CCDC136: variants seen among roughly 807,000 people sequenced by gnomAD.
CCDC136 encodes the protein coiled-coil domain containing 136.
In CCDC136, 100 loss-of-function variants were observed where a neutral mutation model predicts 141.2. The ratio of observed to expected loss-of-function variants is 0.71; its 90% CI spans 0.60 to 0.84. The LOEUF (loss-of-function observed/expected upper bound fraction) is 0.84. Ranked by LOEUF, CCDC136 falls within the 40% of genes least tolerant of loss-of-function variation. The pLI is 0.00. For missense variants in CCDC136, 1,206 were observed against 1,379.4 expected (o/e 0.87, Z 1.99); for synonymous variants, 474 against 531.9 (o/e 0.89, Z 1.50).
chr7:128,809,688 T>A, intron 11 of CCDC136, 44 bp downstream of exon 11: 7 of 1,346,384 alleles, frequency 5.2e-6, no homozygotes, highest in Non-Finnish European at 7.0e-6. Context: ...GAAGCTGCTC[T>A]GAGAAGCTTC....
chr7:128,802,137 C>T (rs542668909), intron 4 of CCDC136, among the ~76,000 whole-genome samples: 46 of 152,140 alleles, frequency 3.0e-4, no homozygotes, highest in South Asian at 1.2e-3. Context: ...GGCAACAAAT[C>T]GGAACAAAAG....
At position 128,810,128 on chromosome 7, in the gene CCDC136, C is replaced by T. The variant is rs1805483490; in HGVS notation, c.1801-11C>T. The T allele has an allele frequency of 5.2e-6, 8 of 1,548,010 alleles. No homozygotes were observed. The East Asian group carries it at 1.4e-4, about 28-fold the overall frequency. On this transcript the variant is annotated splice_polypyrimidine_tract_variant and intron_variant, in intron 11 of 17. Coordinates refer to ENST00000297788, the MANE Select transcript of CCDC136 (RefSeq NM_022742.5). ...ACCATCCCTTGCCTCCTTCCTTCTA[C>T]TCCGCCTCAGAGTCAGGAGCTACTC... is the stretch of plus-strand genomic sequence containing the variant.
In CCDC136 at chr7:128,811,894, G is replaced by C. The variant is rs1385572524; in HGVS notation, c.2123G>C (p.Arg708Thr). 1 of 1,613,630 alleles carries C rather than the reference G, an allele frequency of 6.2e-7. No individual in the cohort carries two copies. The highest frequency in any genetic ancestry group is 1.7e-5 in the Admixed American group (1 of 59,996). The change falls in exon 13 of 18, where the codon AGG becomes ACG. Residue 708 changes from arginine (R) to threonine (T), a missense_variant. Coordinates refer to ENST00000297788, the MANE Select transcript of CCDC136 (RefSeq NM_022742.5). ...KQELLQQEQG[R>T]LLEERKRLQA... ...GAGCTCTTGCAGCAAGAGCAAGGGA[G>C]GCTCCTAGAGGAGCGGAAGAGGCTG...
chr7:128,813,928 G>A (rs1806166589), intron 14 of CCDC136, among the ~76,000 whole-genome samples: 2 of 152,024 alleles, frequency 1.3e-5, no homozygotes, highest in African/African-American at 4.8e-5. Flanking sequence ...GTTGCGGTGA[G>A]CCAAGATCAT....
chr7:128,819,610 A>G (rs1807163833), intron 17 of CCDC136, among the ~76,000 whole-genome samples: 1 of 152,204 alleles, frequency 6.6e-6, no homozygotes, highest in Non-Finnish European at 1.5e-5. Flanking sequence ...TCACTTACGT[A>G]TATTAACTGA....
intron 1 of CCDC136, among the ~76,000 whole-genome samples, chr7:128,793,376 T>C (rs1307296300): frequency 1.3e-5 from 2 of 152,114 alleles, no homozygotes; most frequent in Admixed American, 1.3e-4. Flanking sequence ...CTCATATGGC[T>C]CAGCTAGGGG....
In CCDC136 at chr7:128,809,547, T is replaced by C. The variant is rs778492909; in HGVS notation, c.1703T>C (p.Leu568Pro). Residue 568 changes from leucine to proline, a missense_variant, in exon 11 of 18, where the codon CTG becomes CCG. Leu to Pro is a moderately conservative substitution (Grantham distance 98, BLOSUM62 -3). Coordinates refer to ENST00000297788, the MANE Select transcript of CCDC136 (RefSeq NM_022742.5). ...GQLQMEQCEL[L>P]EDQRRMQEEQ... ...CTGCAGATGGAGCAGTGTGAGCTCC[T>C]GGAGGATCAGAGGAGGATGCAGGAG... is the stretch of plus-strand genomic sequence containing the variant. The C allele has an allele frequency of 6.4e-7, 1 of 1,561,590 alleles. No individual in the cohort carries two copies. The highest frequency in any genetic ancestry group is 8.7e-7 in the Non-Finnish European group (1 of 1,153,356).
Position 128,807,535 on chromosome 7 carries a change from G to T in CCDC136, c.1595G>T (p.Cys532Phe), listed in dbSNP as rs1186675452. ...SHPIPEDKGK[C>F]ANKCDTLLSR... ...CCCATTCCGGAGGACAAAGGAAAGT[G>T]TGCTAATAAGGTAATTGTCGTTCAG... Residue 532 changes from cysteine (C) to phenylalanine (F), a missense_variant, in exon 10 of 18, where the codon TGT becomes TTT. Coordinates refer to ENST00000297788, the MANE Select transcript of CCDC136 (RefSeq NM_022742.5). The T allele has an allele frequency of 5.5e-6, 8 of 1,451,940 alleles. No individual in the cohort carries two copies. In the African/African-American group the frequency reaches 1.0e-4, roughly 18 times the overall value. The allele number at this position is 1,451,940 out of a possible 1,614,324, so 89.9% of individuals were successfully genotyped here. A position where few individuals can be genotyped will look rare whatever the true frequency, so the allele number is the denominator to read the frequency against.
rs1802279738 is a variant in CCDC136 at position 128,792,230 on chromosome 7, G to A, written c.-182G>A. On this transcript the variant is annotated 5_prime_UTR_variant, in exon 1 of 18. Coordinates refer to ENST00000297788, the MANE Select transcript of CCDC136 (RefSeq NM_022742.5). Reference sequence around the variant, plus strand: ...GGATTACAGATCCCAGAGCCTCGAGGAGCTGGAAGACATGTCCCCTTCTTT... The same window carrying A: ...GGATTACAGATCCCAGAGCCTCGAGAAGCTGGAAGACATGTCCCCTTCTTT... The A allele has an allele frequency of 6.6e-7, 1 of 1,513,516 alleles. No individual in the cohort carries two copies. 93.8% of individuals were successfully genotyped at this position (1,513,516 alleles called of 1,614,324 possible). A position where few individuals can be genotyped will look rare whatever the true frequency, so the allele number is the denominator to read the frequency against.
intron 16 of CCDC136, 33 bp downstream of exon 16, chr7:128,815,964 A>T (rs1378167005): frequency 6.3e-7 from 1 of 1,581,626 alleles, no homozygotes; most frequent in South Asian, 1.2e-5. Context: ...TCAAGTGGGA[A>T]GTGGGGTCTT....
In CCDC136 at chr7:128,792,289, C is replaced by G. The variant is rs1391908563; in HGVS notation, c.-123C>G. ...CCCCAGCCCGCAGCCAGCCCCCCACCCCCCAGCCCCTCCTTTCTCCCTGCT... is the reference window on the plus strand; with the variant it reads ...CCCCAGCCCGCAGCCAGCCCCCCACGCCCCAGCCCCTCCTTTCTCCCTGCT... On this transcript the variant is annotated 5_prime_UTR_variant, in exon 1 of 18. Coordinates refer to ENST00000297788, the MANE Select transcript of CCDC136 (RefSeq NM_022742.5). The G allele has an allele frequency of 6.4e-7, 1 of 1,560,258 alleles. No homozygotes were observed. Among genetic ancestry groups the G allele is most frequent in the Admixed American group, 1.9e-5 (1 of 54,022 alleles).
In CCDC136 at chr7:128,821,822, T is replaced by G. The variant is rs1269350158; in HGVS notation, c.*29T>G. ...AGAACATGTTTGGGTTGTGGAAGCC[T>G]ATGGTATTCTTGGCTATTGCAGCTG... On this transcript the variant is annotated 3_prime_UTR_variant, in exon 18 of 18. Coordinates refer to ENST00000297788, the MANE Select transcript of CCDC136 (RefSeq NM_022742.5). The surrounding 1 kb of genome is among the most constrained non-coding windows in gnomAD (Gnocchi z 5.1). The G allele has an allele frequency of 7.7e-7, 1 of 1,290,338 alleles. No homozygotes were observed. Among genetic ancestry groups the G allele is most frequent in the African/African-American group, 1.5e-5 (1 of 65,856 alleles). 79.9% of individuals were successfully genotyped at this position (1,290,338 alleles called of 1,614,324 possible).
At position 128,812,056 on chromosome 7, in the gene CCDC136, A is replaced by G. The variant is rs1387002136; in HGVS notation, c.2285A>G (p.Tyr762Cys). ...VPSNENCRKTYDTTVDDNESY... is the reference protein window; with the variant it reads ...VPSNENCRKTCDTTVDDNESY... The stretch of plus-strand genomic sequence containing the variant: ...AGCAATGAGAACTGTCGCAAGACTT[A>G]TGATACCACTGTGGATGACAATGAG... Residue 762 changes from tyrosine to cysteine, a missense_variant, in exon 13 of 18, where the codon TAT becomes TGT. Physicochemically the swap from Tyr to Cys is radical, Grantham distance 194 (BLOSUM62 -2). Coordinates refer to ENST00000297788, the MANE Select transcript of CCDC136 (RefSeq NM_022742.5). 6 of 1,613,934 alleles carry G rather than the reference A, an allele frequency of 3.7e-6. No homozygotes were observed. The highest frequency in any genetic ancestry group is 1.7e-5 in the Admixed American group (1 of 60,010).
intron 4 of CCDC136, among the ~76,000 whole-genome samples, chr7:128,803,487 C>T (rs1322495362): frequency 6.6e-6 from 1 of 151,872 alleles, no homozygotes; most frequent in South Asian, 2.1e-4. Flanking sequence ...CCCATCTTTA[C>T]AAAAAAATTC....
At chr7:128,790,805 C>T (rs561869013), upstream of CCDC136, 2 of 152,312 alleles carry the variant, frequency 1.3e-5, no homozygotes, top group Non-Finnish European at 2.9e-5. This position sits in a 1 kb window ranked among gnomAD's most constrained non-coding sequence, Gnocchi z 5.4. Context: ...AGGGCTCCTC[C>T]TAAGAGGGTC....
chr7:128,815,952 G>A, intron 16 of CCDC136, 21 bp downstream of exon 16: 2 of 1,592,430 alleles, frequency 1.3e-6, no homozygotes, highest in Admixed American at 1.8e-5. Flanking sequence ...CCAAAGCCTA[G>A]ATCAAGTGGG....
Position 128,806,226 on chromosome 7 carries a change from C to T in CCDC136, c.1090-11C>T. On this transcript the variant is annotated splice_polypyrimidine_tract_variant and intron_variant, in intron 7 of 17. Transcript: ENST00000297788. ...AGAGTAACTGTTCTACTCACATCCT[C>T]CCTACCACAGAATGAGGAGCTGAAG... The T allele has an allele frequency of 1.9e-6, 3 of 1,551,460 alleles. No homozygotes were observed. The highest frequency in any genetic ancestry group is 2.6e-6 in the Non-Finnish European group (3 of 1,144,402).
chr7:128,806,371 A>G lies in CCDC136; in HGVS notation c.1224A>G (p.Thr408=), dbSNP rs776726141. 2 of 1,604,948 alleles carry G rather than the reference A, an allele frequency of 1.2e-6. No homozygotes were observed. The highest frequency in any genetic ancestry group is 3.4e-5 in the Admixed American group (2 of 58,980). Residue 408 remains threonine (T), a synonymous_variant, in exon 8 of 18, where the codon ACA becomes ACG. Transcript: ENST00000297788. The part of the protein sequence containing the change: ...ELRQLKVMKS[T]LVENQSEKEL... ...GGCAGCTCAAAGTCATGAAATCCAC[A>G]CTTGTAGAAAACCAGAGTGAGAAGG...
intron 8 of CCDC136, 122 bp downstream of exon 8, chr7:128,806,517 C>T: frequency 9.0e-7 from 1 of 1,105,492 alleles, no homozygotes; most frequent in South Asian, 1.7e-5. Flanking sequence ...GGCAGCACCA[C>T]AGGTAAAGAA....
Sources: gnomAD v4.1 joint callset for allele counts (sites outside exome capture counted in the v4.1 genomes callset) on GRCh38, gnomAD v4.1.1 for gene constraint, Gnocchi (gnomAD v3.1) non-coding constraint, MANE v1.5 for transcripts, NCBI Gene and HGNC (gene_info 2026-07-23, HGNC 2026-07-21) for gene names.